Variants in KIAA1217 observed in about 807,000 individuals in gnomAD.
KIAA1217 encodes KIAA1217, also known as sickle tail protein homolog.
A neutral mutation model predicts 163.9 loss-of-function variants in KIAA1217; 88 were observed. The observed-to-expected ratio is 0.54, with a 90% CI of 0.45 to 0.64. The LOEUF (loss-of-function observed/expected upper bound fraction) is 0.64. Ranked by LOEUF, KIAA1217 falls within the 30% of genes least tolerant of loss-of-function variation. The pLI is 0.00. For missense variants in KIAA1217, 2,372 were observed against 2,475.0 expected (o/e 0.96, Z 0.88); for synonymous variants, 903 against 923.1 (o/e 0.98, Z 0.39).
chr10:23,823,541 T>A (rs1837725259), intron 1 of KIAA1217, among the ~76,000 whole-genome samples: 1 of 152,152 alleles, frequency 6.6e-6, no homozygotes, highest in Admixed American at 6.5e-5. Context: ...CCTCAAAATC[T>A]GTAACTTTAA....
At chr10:24,475,112 G>A (rs967829451) in intron 6 of KIAA1217, among the ~76,000 whole-genome samples, 6 of 152,196 alleles carry the variant, frequency 3.9e-5, no homozygotes, top group South Asian at 2.1e-4. Context: ...TCAGCTACTC[G>A]GGAGGCTGAG....
At chr10:24,210,230 C>T (rs143197507) in intron 1 of KIAA1217, among the ~76,000 whole-genome samples, 229 of 152,234 alleles carry the variant, frequency 1.5e-3, no homozygotes, top group Non-Finnish European at 1.8e-3. Flanking sequence ...CATGACTCAT[C>T]CACGCTGAAA....
chr10:24,420,080 A>G (rs1475192694), intron 3 of KIAA1217, among the ~76,000 whole-genome samples: 6 of 152,152 alleles, frequency 3.9e-5, no homozygotes, highest in Non-Finnish European at 7.3e-5. Context: ...TGGTCAGCTT[A>G]AAAGACGTAG....
chr10:23,835,590 A>T (rs1181315057), intron 1 of KIAA1217, among the ~76,000 whole-genome samples: 3 of 152,144 alleles, frequency 2.0e-5, no homozygotes, highest in Non-Finnish European at 4.4e-5. Context: ...ATTTGGTCAC[A>T]TTGGTATGTG....
chr10:23,926,726 AAAATAAAT>A (rs71397924), intron 1 of KIAA1217, among the ~76,000 whole-genome samples: 331 of 143,980 alleles, frequency 2.3e-3, no homozygotes, highest in African/African-American at 8.5e-3. Context: ...TTCTGTCTCA[AAAATAAAT>A]AAATAAATAA....
At chr10:24,496,137 G>T (rs2066753986) in intron 8 of KIAA1217, among the ~76,000 whole-genome samples, 1 of 152,380 alleles carries the variant, frequency 6.6e-6, no homozygotes, top group South Asian at 2.1e-4. Flanking sequence ...GTTTTGTGCA[G>T]CACGGTAGAG....
rs12246753 is a variant in KIAA1217, at chr10:24,169,813, G to T, written c.-170-49813G>T. 3.4e-3 allele frequency among the ~76,000 whole-genome samples: 522 copies of T among 152,146 alleles called. 3 individuals are homozygous for T. The highest frequency in any genetic ancestry group is 0.012 in the African/African-American group (497 of 41,498). On this transcript the variant is annotated intron_variant, in intron 2 of 18. Coordinates refer to the KIAA1217 transcript ENST00000376462. Reference sequence around the variant, plus strand: ...GTTTCCATGGCAACCCATATAAAGTGCCTCTGACCCTGAGCAATTTATAGG... The same window carrying T: ...GTTTCCATGGCAACCCATATAAAGTTCCTCTGACCCTGAGCAATTTATAGG...
intron 6 of KIAA1217, among the ~76,000 whole-genome samples, chr10:24,475,633 G>A (rs2063934936): frequency 6.6e-6 from 1 of 152,214 alleles, no homozygotes; most frequent in South Asian, 2.1e-4. Flanking sequence ...TTGGAAAATA[G>A]TATTCATTCT....
At chr10:24,005,660 T>G (rs947076279) in intron 1 of KIAA1217, among the ~76,000 whole-genome samples, 1 of 152,222 alleles carries the variant, frequency 6.6e-6, no homozygotes, top group Non-Finnish European at 1.5e-5. Context: ...CTAAAAGTGA[T>G]AACAATGGAT....
At chr10:24,061,576 C>A (rs940629587) in intron 2 of KIAA1217, among the ~76,000 whole-genome samples, 1 of 152,110 alleles carries the variant, frequency 6.6e-6, no homozygotes, top group African/African-American at 2.4e-5. Context: ...GGCAGGTAAG[C>A]GGTGATAAAC....
At position 24,544,456 on chromosome 10, in the gene KIAA1217, C is replaced by T. The variant is rs371210365; in HGVS notation, c.5186C>T (p.Thr1729Met). 94 of 1,613,246 alleles carry T rather than the reference C, an allele frequency of 5.8e-5. No homozygotes were observed. Among genetic ancestry groups the T allele is most frequent in the Non-Finnish European group, 7.1e-5 (84 of 1,179,442 alleles). Residue 1729 changes from threonine (T) to methionine (M), a missense_variant, in exon 19 of 21, where the codon ACG (threonine) becomes ATG (methionine). This residue lies in a region of KIAA1217 where 690 missense variants were observed against 677.5 expected (regional missense o/e 1.02). Coordinates refer to ENST00000376454, the MANE Select transcript of KIAA1217 (RefSeq NM_019590.5). The part of the protein sequence containing the change: ...DEGPTALEPP[T>M]SIPSASRKGS... ...GGTCCCACTGCCCTAGAGCCCCCTA[C>T]GTCGATACCTTCAGCTTCACGTAAG...
At chr10:24,205,497 G>T (rs1247951178), upstream of KIAA1217, among the ~76,000 whole-genome samples, 1 of 150,762 alleles carries the variant, frequency 6.6e-6, no homozygotes, top group African/African-American at 2.4e-5. Flanking sequence ...AAAAATGCCG[G>T]GCGCGGTGGC....
At chr10:24,535,000 A>C (rs1024336204) in intron 16 of KIAA1217, among the ~76,000 whole-genome samples, 1 of 152,032 alleles carries the variant, frequency 6.6e-6, no homozygotes, top group African/African-American at 2.4e-5. Context: ...CAACTCGATC[A>C]ATGGCCAGTG....
chr10:24,429,101 A>G (rs2059391376), intron 3 of KIAA1217, among the ~76,000 whole-genome samples: 1 of 152,194 alleles, frequency 6.6e-6, no homozygotes, highest in Non-Finnish European at 1.5e-5. Flanking sequence ...GATGGTTTGG[A>G]TAGGTATAGA....
chr10:23,822,433 C>T (rs903664896), intron 1 of KIAA1217, among the ~76,000 whole-genome samples: 1 of 152,004 alleles, frequency 6.6e-6, no homozygotes, highest in Non-Finnish European at 1.5e-5. Flanking sequence ...GAATTTGTGC[C>T]AATAGGGAGC....
chr10:24,183,787 C>T (rs1164055833), intron 2 of KIAA1217, among the ~76,000 whole-genome samples: 3 of 152,160 alleles, frequency 2.0e-5, no homozygotes, highest in Admixed American at 6.6e-5. Context: ...TAGTCTACCT[C>T]GGGGAATGGT....
At chr10:24,480,332 C>T (rs2064519532) in intron 6 of KIAA1217, among the ~76,000 whole-genome samples, 1 of 152,218 alleles carries the variant, frequency 6.6e-6, no homozygotes, top group South Asian at 2.1e-4. Context: ...CCATTCTGCC[C>T]TCCTCCTCGT....
chr10:23,941,426 G>A (rs1373075961), intron 1 of KIAA1217, among the ~76,000 whole-genome samples: 2 of 152,126 alleles, frequency 1.3e-5, no homozygotes, highest in Middle Eastern at 3.2e-3. Context: ...AGAAACTGGA[G>A]GAGGTTTGAC....
intron 1 of KIAA1217, among the ~76,000 whole-genome samples, chr10:23,821,312 TC>T (rs2131013233): frequency 6.6e-6 from 1 of 152,226 alleles, no homozygotes; most frequent in South Asian, 2.1e-4. Context: ...TCATGATGGT[TC>T]CTAAGCACTG....
Sources: allele counts gnomAD v4.1 joint callset (sites outside exome capture counted in the v4.1 genomes callset), GRCh38; gene constraint gnomAD v4.1.1; regional missense constraint gnomAD v4.1.1; transcripts MANE v1.5; gene names NCBI Gene and HGNC (gene_info 2026-07-23, HGNC 2026-07-21).